SMOC2: variants seen among roughly 807,000 people sequenced by gnomAD.
SMOC2 encodes the protein SPARC related modular calcium binding 2.
A neutral mutation model predicts 61.4 loss-of-function variants in SMOC2; 39 were observed. That is an observed-to-expected ratio of 0.64 (90% CI 0.49 to 0.83). The LOEUF (loss-of-function observed/expected upper bound fraction) is 0.83. Among genes scored for constraint, SMOC2 ranks in the 40% least tolerant of loss-of-function variants. The pLI, the probability that SMOC2 is intolerant of heterozygous loss-of-function variation, is 0.00. For synonymous variants in SMOC2, 247 were observed against 239.9 expected, an observed-to-expected ratio of 1.03 and a Z score of -0.27; for missense variants, 556 against 592.9, an observed-to-expected ratio of 0.94 and a Z score of 0.65.
chr6:168,565,483 A>G lies in SMOC2; in HGVS notation c.637+16280A>G, dbSNP rs528408042. Among the ~76,000 whole-genome samples, 15 of 152,318 alleles carry G rather than the reference A, an allele frequency of 9.8e-5. No homozygotes were observed. The East Asian group carries it at 1.2e-3, about 12-fold the overall frequency. On this transcript the variant is annotated intron_variant, in intron 7 of 12. Coordinates refer to ENST00000356284, the MANE Select transcript of SMOC2 (RefSeq NM_001166412.2). ...TCTCCATCTTCCTGCATGGACATCA[A>G]TTATACTGGATCAGGGCCCCACTCT...
intron 4 of SMOC2, among the ~76,000 whole-genome samples, chr6:168,539,981 C>T (rs573394134): frequency 1.7e-4 from 26 of 152,290 alleles, no homozygotes; most frequent in Middle Eastern, 3.4e-3. Context: ...AGTCCCACCT[C>T]GCAGGGCTGG....
intron 1 of SMOC2, among the ~76,000 whole-genome samples, chr6:168,503,718 T>G (rs2749248): frequency 0.52 from 78,552 of 151,874 alleles, 20,958 homozygotes; most frequent in East Asian, 0.74. Context: ...GCACCACCCA[T>G]TTGTGCTAGG....
intron 9 of SMOC2, among the ~76,000 whole-genome samples, chr6:168,633,932 T>C (rs2115250683): frequency 6.6e-6 from 1 of 152,290 alleles, no homozygotes; most frequent in South Asian, 2.1e-4. Context: ...CTCATGATAG[T>C]GAGTGAGTTC....
chr6:168,515,948 A>G (rs1314799113), intron 2 of SMOC2, among the ~76,000 whole-genome samples: 4 of 152,252 alleles, frequency 2.6e-5, no homozygotes, highest in African/African-American at 4.8e-5. Context: ...TGTAACACAA[A>G]TAAACCTCCA....
intron 2 of SMOC2, among the ~76,000 whole-genome samples, chr6:168,523,632 C>T (rs1023020200): frequency 1.3e-5 from 2 of 151,802 alleles, no homozygotes; most frequent in African/African-American, 4.8e-5. Context: ...ATCTCCTGAC[C>T]TCGTGATGCG....
chr6:168,508,871 T>C (rs1782940018), intron 1 of SMOC2, among the ~76,000 whole-genome samples: 1 of 152,190 alleles, frequency 6.6e-6, no homozygotes, highest in Non-Finnish European at 1.5e-5. Flanking sequence ...TCTTTCTTTT[T>C]GTTAATGCAT....
At chr6:168,483,021 A>G (rs973571969) in intron 1 of SMOC2, among the ~76,000 whole-genome samples, 42 of 152,094 alleles carry the variant, frequency 2.8e-4, no homozygotes, top group Admixed American at 2.4e-3. Flanking sequence ...TTTCACCACT[A>G]CTATTTAACA....
intron 1 of SMOC2, among the ~76,000 whole-genome samples, chr6:168,497,483 TG>T (rs34421670): frequency 1.4e-5 from 2 of 148,102 alleles, no homozygotes; most frequent in Admixed American, 1.4e-4. Flanking sequence ...CGGATGGAGG[TG>T]GGGGTCTTCT....
intron 2 of SMOC2, among the ~76,000 whole-genome samples, chr6:168,517,307 G>A: frequency 6.6e-6 from 1 of 152,222 alleles, no homozygotes; most frequent in East Asian, 1.9e-4. Flanking sequence ...TGGCCTGGCT[G>A]TGAGGCCCAG....
At chr6:168,607,100 C>G (rs145451375) in intron 8 of SMOC2, among the ~76,000 whole-genome samples, 123 of 152,104 alleles carry the variant, frequency 8.1e-4, no homozygotes, top group African/African-American at 2.9e-3. Flanking sequence ...ACCTCCCCGG[C>G]GTCTCCTTCA....
chr6:168,572,710 T>C (rs1784694037), intron 7 of SMOC2, among the ~76,000 whole-genome samples: 1 of 34,378 alleles, frequency 2.9e-5, no homozygotes, highest in Non-Finnish European at 4.9e-5. Context: ...GGCTGCGTGC[T>C]CCCTGAACGC....
chr6:168,543,911 C>T (rs1032374199), intron 5 of SMOC2, among the ~76,000 whole-genome samples: 6 of 152,178 alleles, frequency 3.9e-5, no homozygotes, highest in Admixed American at 2.0e-4. Flanking sequence ...TCGGGACCAA[C>T]GGCAGATGCT....
At chr6:168,445,823 T>G (rs1781320034) in intron 1 of SMOC2, among the ~76,000 whole-genome samples, 1 of 152,184 alleles carries the variant, frequency 6.6e-6, no homozygotes, top group South Asian at 2.1e-4. Flanking sequence ...TCACTTTAAT[T>G]TTGCTGTGAA....
chr6:168,578,856 G>A (rs987483131), intron 7 of SMOC2, among the ~76,000 whole-genome samples: 5 of 152,182 alleles, frequency 3.3e-5, no homozygotes, highest in Non-Finnish European at 7.3e-5. Context: ...TGTGTTAAAG[G>A]TTAAGGATTT....
At chr6:168,525,096 A>G (rs1347389734) in intron 2 of SMOC2, among the ~76,000 whole-genome samples, 1 of 152,250 alleles carries the variant, frequency 6.6e-6, no homozygotes, top group African/African-American at 2.4e-5. Flanking sequence ...GGCACTTGTG[A>G]TTGAAATCTG....
chr6:168,640,686 C>A (rs994998038), intron 9 of SMOC2, among the ~76,000 whole-genome samples: 2 of 152,142 alleles, frequency 1.3e-5, no homozygotes, highest in African/African-American at 4.8e-5. Context: ...CATAGAGAGT[C>A]TATCTTGTTG....
At position 168,526,366 on chromosome 6, in the gene SMOC2, G is replaced by A. The variant is rs765267119; in HGVS notation, c.277G>A (p.Glu93Lys). ...TACAGACGTGTCCAGGTGTGTGGCCGAAAGGAAGTATACCCAGGAGCAAGC... is the reference window on the plus strand; with the variant it reads ...TACAGACGTGTCCAGGTGTGTGGCCAAAAGGAAGTATACCCAGGAGCAAGC... The part of the protein sequence containing the change: ...NCKDVSRCVA[E>K]RKYTQEQARK... Residue 93 changes from glutamate to lysine, a missense_variant, in exon 3 of 13, where the codon GAA becomes AAA. By Grantham distance (56) the Glu-to-Lys change is moderately conservative. Transcript: ENST00000356284. 1.8e-5 allele frequency: 29 copies of A among 1,614,076 alleles called. No homozygotes were observed. The highest frequency in any genetic ancestry group is 2.4e-5 in the Non-Finnish European group (28 of 1,180,034).
At chr6:168,442,230 G>C (rs569837473) in intron 1 of SMOC2, among the ~76,000 whole-genome samples, 59 of 152,396 alleles carry the variant, frequency 3.9e-4, no homozygotes, top group Non-Finnish European at 7.3e-4. Flanking sequence ...CTCGTGGCAG[G>C]GATGCTGCGC....
intron 1 of SMOC2, among the ~76,000 whole-genome samples, chr6:168,506,451 G>T (rs1782873085): frequency 6.6e-6 from 1 of 152,186 alleles, no homozygotes; most frequent in Non-Finnish European, 1.5e-5. Context: ...ATTATAAGGA[G>T]AAATTTTAAA....
Sources: allele counts gnomAD v4.1 joint callset (sites outside exome capture counted in the v4.1 genomes callset), GRCh38; gene constraint gnomAD v4.1.1; transcripts MANE v1.5; gene names NCBI Gene and HGNC (gene_info 2026-07-23, HGNC 2026-07-21).